Variants in LGALSL observed in about 807,000 individuals in gnomAD.
LGALSL encodes the protein galectin like, also known as galectin-related protein.
Under a neutral mutation model 19.5 loss-of-function variants are expected in LGALSL, and 13 were observed. That is an observed-to-expected ratio of 0.67 (90% CI 0.43 to 1.06). The LOEUF (loss-of-function observed/expected upper bound fraction) is 1.06. LGALSL is among the 50% of genes least tolerant of loss of function. The pLI is 0.00. For missense variants in LGALSL, 189 were observed against 219.3 expected (o/e 0.86, Z 0.87); for synonymous variants, 86 against 78.3 (o/e 1.10, Z -0.52).
In LGALSL at chr2:64,454,400, C is replaced by A. The variant is rs1190976161; in HGVS notation, c.-146C>A. On this transcript the variant is annotated 5_prime_UTR_variant, in exon 1 of 5. Transcript: ENST00000238875. The surrounding 1 kb of genome is among the most constrained non-coding windows in gnomAD (Gnocchi z 5.1). ...TGCCTGCCAGGTCGGCGCCGGGCCCCGGGCGCGCGCGCGCGCGCCCCCTCG... is the reference window on the plus strand; with the variant it reads ...TGCCTGCCAGGTCGGCGCCGGGCCCAGGGCGCGCGCGCGCGCGCCCCCTCG... 1.2e-4 allele frequency: 44 copies of A among 379,710 alleles called. No homozygotes were observed. The East Asian group carries it at 1.2e-3, about 10-fold the overall frequency. The allele number at this position is 379,710 out of a possible 1,614,324, so 23.5% of individuals were successfully genotyped here.
Position 64,454,826 on chromosome 2 carries a change from G to C in LGALSL, c.36+245G>C, listed in dbSNP as rs1327587837. 1.3e-5 allele frequency among the ~76,000 whole-genome samples: 2 copies of C among 151,388 alleles called. No individual in the cohort carries two copies. The highest frequency in any genetic ancestry group is 1.3e-4 in the Admixed American group (2 of 15,238). On this transcript the variant is annotated intron_variant, in intron 1 of 4. Coordinates refer to ENST00000238875, the MANE Select transcript of LGALSL (RefSeq NM_014181.3). This position sits in a 1 kb window ranked among gnomAD's most constrained non-coding sequence, Gnocchi z 5.1. ...TTTGGGGAGGATGGCGGGTAGGGAC[G>C]CCCGACAGCCCCCTCTGTGCCGTGC...
rs1437027578 is a variant in LGALSL at position 64,456,671 on chromosome 2, G to T, written c.375+206G>T. 3.3e-5 allele frequency among the ~76,000 whole-genome samples: 5 copies of T among 152,056 alleles called. No homozygotes were observed. The East Asian group carries it at 9.6e-4, about 29-fold the overall frequency. On this transcript the variant is annotated intron_variant, in intron 4 of 4. Coordinates refer to ENST00000238875, the MANE Select transcript of LGALSL (RefSeq NM_014181.3). Reference sequence around the variant, plus strand: ...ATAGTATCTTCTTAGTTCTATTCAGGTCATACATTTAAATAGACCCATATT... The same window carrying T: ...ATAGTATCTTCTTAGTTCTATTCAGTTCATACATTTAAATAGACCCATATT...
At position 64,454,550 on chromosome 2, in the gene LGALSL, C is replaced by T. The variant is rs1414337027; in HGVS notation, c.5C>T (p.Ala2Val). The change falls in exon 1 of 5, where the codon GCG becomes GTG. Residue 2 changes from alanine to valine, a missense_variant. Coordinates refer to ENST00000238875, the MANE Select transcript of LGALSL (RefSeq NM_014181.3). This position sits in a 1 kb window ranked among gnomAD's most constrained non-coding sequence, Gnocchi z 5.1. ...CCCGCCGCGCCGGGCAAGAAGATGGCGGGATCAGTGGCCGACAGCGATGCC... is the reference window on the plus strand; with the variant it reads ...CCCGCCGCGCCGGGCAAGAAGATGGTGGGATCAGTGGCCGACAGCGATGCC... M[A>V]GSVADSDAVV... 6 of 1,446,172 alleles carry T rather than the reference C, an allele frequency of 4.1e-6. No homozygotes were observed. The highest frequency in any genetic ancestry group is 2.2e-5 in the Admixed American group (1 of 44,776). 89.6% of individuals were successfully genotyped at this position (1,446,172 alleles called of 1,614,324 possible).
intron 3 of LGALSL, among the ~76,000 whole-genome samples, chr2:64,456,038 G>T (rs1349476814): frequency 1.3e-5 from 2 of 151,554 alleles, no homozygotes; most frequent in Non-Finnish European, 2.9e-5. Context: ...TTCTGTGGCT[G>T]TTTTTGAGAA....
At chr2:64,456,120 C>T in intron 3 of LGALSL, 168 bp from the exon 4 acceptor site, 1 of 565,678 alleles carries the variant, frequency 1.8e-6, no homozygotes, top group South Asian at 2.6e-5. Context: ...CTTTAGGTAA[C>T]AAAATAAGCT....
rs770053691 is a variant in LGALSL at position 64,458,599 on chromosome 2, C to G, written c.*171C>G. 3.5e-6 allele frequency: 2 copies of G among 571,976 alleles called. No homozygotes were observed. 35.4% of individuals were successfully genotyped at this position (571,976 alleles called of 1,614,324 possible). A position where few individuals can be genotyped will look rare whatever the true frequency, so the allele number is the denominator to read the frequency against. On this transcript the variant is annotated 3_prime_UTR_variant, in exon 5 of 5. Coordinates refer to ENST00000238875, the MANE Select transcript of LGALSL (RefSeq NM_014181.3). ...AAGAAAGCTGTTGGGACAAAGACAC[C>G]GAGCCATTATACCCAGAATAAAATA... is the stretch of plus-strand genomic sequence containing the variant.
chr2:64,455,808 C>T, intron 3 of LGALSL, 131 bp downstream of exon 3: 1 of 696,482 alleles, frequency 1.4e-6, no homozygotes, highest in South Asian at 1.6e-5. Context: ...AAGAAAGTAC[C>T]ATGTTCCCAT....
At chr2:64,455,907 G>T (rs935760645) in intron 3 of LGALSL, among the ~76,000 whole-genome samples, 6 of 147,138 alleles carry the variant, frequency 4.1e-5, no homozygotes, top group Non-Finnish European at 7.4e-5. Context: ...TTTTCTCTTT[G>T]ACCCTTAGGG....
At position 64,460,638 on chromosome 2, in the gene LGALSL, G is replaced by C. The variant is rs1266173862; in HGVS notation, c.*2210G>C. On this transcript the variant is annotated 3_prime_UTR_variant, in exon 5 of 5. Transcript: ENST00000238875. ...GTTTGTTTCTCTGTGAGGTTAGTGGGAACCGCTTGGATAAGCCTATTGGGA... is the reference window on the plus strand; with the variant it reads ...GTTTGTTTCTCTGTGAGGTTAGTGGCAACCGCTTGGATAAGCCTATTGGGA... 6.6e-6 allele frequency: 1 copy of C among 152,212 alleles called. No individual in the cohort carries two copies. The highest frequency in any genetic ancestry group is 2.4e-5 in the African/African-American group (1 of 41,458). 9.4% of individuals were successfully genotyped at this position (152,212 alleles called of 1,614,324 possible). A position where few individuals can be genotyped will look rare whatever the true frequency, so the allele number is the denominator to read the frequency against.
Position 64,454,895 on chromosome 2 carries a change from C to T in LGALSL, c.36+314C>T, listed in dbSNP as rs1484311702. ...CGCGTGGGTGAGTGTGTCCGGGGCG[C>T]GCGCCCCGCCACCGCCCCCGACGTA... On this transcript the variant is annotated intron_variant, in intron 1 of 4. Coordinates refer to ENST00000238875, the MANE Select transcript of LGALSL (RefSeq NM_014181.3). This position sits in a 1 kb window ranked among gnomAD's most constrained non-coding sequence, Gnocchi z 5.1. Among the ~76,000 whole-genome samples the T allele has an allele frequency of 6.6e-6, 1 of 151,846 alleles. No individual in the cohort carries two copies. Among genetic ancestry groups the T allele is most frequent in the Non-Finnish European group, 1.5e-5 (1 of 67,904 alleles).
chr2:64,457,427 A>C (rs1194125555), intron 4 of LGALSL, among the ~76,000 whole-genome samples: 5 of 152,060 alleles, frequency 3.3e-5, no homozygotes, highest in Non-Finnish European at 7.3e-5. Flanking sequence ...CTGTCAAAAA[A>C]AAAAAAAATA....
At position 64,455,430 on chromosome 2, in the gene LGALSL, T is replaced by G. The variant is rs150168254; in HGVS notation, c.108+15T>G. On this transcript the variant is annotated intron_variant, in intron 2 of 4. Transcript: ENST00000238875. ...TCCCACGACTGGTAAATGATTTTGC[T>G]CTGTGTCTCTGCCTGTACCTTCCTC... The G allele has an allele frequency of 6.3e-6, 10 of 1,599,026 alleles. No homozygotes were observed. The African/African-American group carries it at 1.3e-4, about 21-fold the overall frequency.
chr2:64,458,483 G>T lies in LGALSL; in HGVS notation c.*55G>T. 3 of 1,542,798 alleles carry T rather than the reference G, an allele frequency of 1.9e-6. No homozygotes were observed. Among genetic ancestry groups the T allele is most frequent in the South Asian group, 2.3e-5 (2 of 85,320 alleles). On this transcript the variant is annotated 3_prime_UTR_variant, in exon 5 of 5. Coordinates refer to ENST00000238875, the MANE Select transcript of LGALSL (RefSeq NM_014181.3). The stretch of plus-strand genomic sequence containing the variant: ...ACGTGCCACAACTATCTGACTGTTG[G>T]TCTGGAAGAAGTGTCCTAGCAAGAT...
rs1318300908 is a variant in LGALSL at position 64,454,424 on chromosome 2, C to A, written c.-122C>A. 2.5e-6 allele frequency: 1 copy of A among 402,596 alleles called. No homozygotes were observed. The highest frequency in any genetic ancestry group is 2.2e-5 in the African/African-American group (1 of 46,488). The allele number at this position is 402,596 out of a possible 1,614,324, so 24.9% of individuals were successfully genotyped here. ...CCGGGCGCGCGCGCGCGCGCCCCCT[C>A]GTGTGTGCGCGCGCCCGCCGCCAGC... On this transcript the variant is annotated 5_prime_UTR_variant, in exon 1 of 5. Transcript: ENST00000238875. This position sits in a 1 kb window ranked among gnomAD's most constrained non-coding sequence, Gnocchi z 5.1.
Position 64,460,141 on chromosome 2 carries a change from G to A in LGALSL, c.*1713G>A, listed in dbSNP as rs754858158. 1.3e-5 allele frequency: 2 copies of A among 151,898 alleles called. No individual in the cohort carries two copies. The highest frequency in any genetic ancestry group is 1.5e-5 in the Non-Finnish European group (1 of 67,984). 9.4% of individuals were successfully genotyped at this position (151,898 alleles called of 1,614,324 possible). A position where few individuals can be genotyped will look rare whatever the true frequency, so the allele number is the denominator to read the frequency against. On this transcript the variant is annotated 3_prime_UTR_variant, in exon 5 of 5. Coordinates refer to ENST00000238875, the MANE Select transcript of LGALSL (RefSeq NM_014181.3). ...AACTAAAATTATGAATTTTTTATAGGTGATACATTTGGATTCTTCTCAACT... is the reference window on the plus strand; with the variant it reads ...AACTAAAATTATGAATTTTTTATAGATGATACATTTGGATTCTTCTCAACT...
At position 64,455,411 on chromosome 2, in the gene LGALSL, G is replaced by A. The variant is rs770942247; in HGVS notation, c.104G>A (p.Arg35Gln). Residue 35 changes from arginine (R) to glutamine (Q), a missense_variant, in exon 2 of 5, where the codon CGA (arginine) becomes CAA (glutamine). Coordinates refer to ENST00000238875, the MANE Select transcript of LGALSL (RefSeq NM_014181.3). Reference protein sequence around the residue: ...SPVQADVYFPRLIVPFCGHIK... With the variant: ...SPVQADVYFPQLIVPFCGHIK... The stretch of plus-strand genomic sequence containing the variant: ...GTTCAAGCGGACGTGTACTTCCCAC[G>A]ACTGGTAAATGATTTTGCTCTGTGT... 6.2e-7 allele frequency: 1 copy of A among 1,611,946 alleles called. No homozygotes were observed. Among genetic ancestry groups the A allele is most frequent in the Non-Finnish European group, 8.5e-7 (1 of 1,178,026 alleles).
chr2:64,458,575 A>G lies in LGALSL; in HGVS notation c.*147A>G. 1 of 732,916 alleles carries G rather than the reference A, an allele frequency of 1.4e-6. No individual in the cohort carries two copies. Among genetic ancestry groups the G allele is most frequent in the Admixed American group, 2.8e-5 (1 of 36,144 alleles). 45.4% of individuals were successfully genotyped at this position (732,916 alleles called of 1,614,324 possible). A position where few individuals can be genotyped will look rare whatever the true frequency, so the allele number is the denominator to read the frequency against. On this transcript the variant is annotated 3_prime_UTR_variant, in exon 5 of 5. Transcript: ENST00000238875. The stretch of plus-strand genomic sequence containing the variant: ...ACTTAAGGGTGGTTTGCCCTTAAGA[A>G]GAAAGCTGTTGGGACAAAGACACCG...
At chr2:64,455,700 A>G (rs1282917738) in intron 3 of LGALSL, 23 bp downstream of exon 3, 8 of 1,563,654 alleles carry the variant, frequency 5.1e-6, no homozygotes, top group Admixed American at 1.7e-5. Flanking sequence ...CTTTGTCAGG[A>G]CAGAACTATC....
chr2:64,461,030 G>C lies in LGALSL; in HGVS notation c.*2602G>C. ...TTCTACTTTTTGGGCTATTCCAGAA[G>C]TATTTTAAAATTATTATTTAAAATT... On this transcript the variant is annotated 3_prime_UTR_variant, in exon 5 of 5. Transcript: ENST00000238875. 6.6e-6 allele frequency: 1 copy of C among 152,134 alleles called. No homozygotes were observed. Among genetic ancestry groups the C allele is most frequent in the East Asian group, 1.9e-4 (1 of 5,206 alleles). 9.4% of individuals were successfully genotyped at this position (152,134 alleles called of 1,614,324 possible). A position where few individuals can be genotyped will look rare whatever the true frequency, so the allele number is the denominator to read the frequency against.
Sources: allele counts gnomAD v4.1 joint callset (sites outside exome capture counted in the v4.1 genomes callset), GRCh38; gene constraint gnomAD v4.1.1; non-coding constraint Gnocchi (gnomAD v3.1); transcripts MANE v1.5; gene names NCBI Gene and HGNC (gene_info 2026-07-23, HGNC 2026-07-21).